C1QTNF7: variants seen among roughly 807,000 people sequenced by gnomAD.
C1QTNF7 encodes the protein C1q and TNF related 7, also known as complement C1q tumor necrosis factor-related protein 7.
C1QTNF7 carries 15 observed loss-of-function variants against 19.6 expected under a neutral mutation model. The observed-to-expected ratio is 0.76, with a 90% CI of 0.51 to 1.18. The LOEUF (loss-of-function observed/expected upper bound fraction) is 1.18, where lower values mean the gene tolerates loss of function less well. C1QTNF7 is among the 50% of genes most tolerant of loss of function. The probability of loss-of-function intolerance (pLI) is 0.00; values close to 1 mark genes in which losing one functional copy is unlikely to be tolerated. For missense variants in C1QTNF7, 324 were observed against 359.7 expected, an observed-to-expected ratio of 0.90 and a Z score of 0.80; for synonymous variants, 142 against 137.5, an observed-to-expected ratio of 1.03 and a Z score of -0.23.
chr4:15,353,520 C>G (rs190347654), intron 1 of C1QTNF7, among the ~76,000 whole-genome samples: 4 of 152,182 alleles, frequency 2.6e-5, no homozygotes, highest in Admixed American at 2.6e-4. Context: ...TGTATCAGAC[C>G]AAATCGGTCC....
intron 1 of C1QTNF7, among the ~76,000 whole-genome samples, chr4:15,342,719 C>T (rs554217101): frequency 2.8e-4 from 42 of 152,306 alleles, no homozygotes; most frequent in African/African-American, 9.1e-4. Flanking sequence ...TTGGGCCTGG[C>T]GGGGCTCTAT....
chr4:15,387,170 A>T (rs1718370198), intron 1 of C1QTNF7, among the ~76,000 whole-genome samples: 1 of 152,168 alleles, frequency 6.6e-6, no homozygotes, highest in Admixed American at 6.5e-5. Context: ...ACTCCAAGTT[A>T]TTTGGCCTGA....
chr4:15,434,950 C>A (rs534765619), intron 1 of C1QTNF7, among the ~76,000 whole-genome samples: 1 of 152,294 alleles, frequency 6.6e-6, no homozygotes, highest in South Asian at 2.1e-4. Flanking sequence ...CCAATTAACA[C>A]TAATTGGCAT....
rs981738978 is a variant in C1QTNF7 at position 15,443,757 on chromosome 4, T to G, written c.*958T>G. The G allele has an allele frequency of 1.3e-5, 2 of 152,184 alleles. No homozygotes were observed. Among genetic ancestry groups the G allele is most frequent in the Non-Finnish European group, 2.9e-5 (2 of 68,032 alleles). The allele number at this position is 152,184 out of a possible 1,614,324, so 9.4% of individuals were successfully genotyped here. On this transcript the variant is annotated 3_prime_UTR_variant, in exon 3 of 3. Coordinates refer to ENST00000444304, the MANE Select transcript of C1QTNF7 (RefSeq NM_031911.5). ...ATAGCCAGCAGGTGATTCTTCTGAA[T>G]CCTTTAGTGTGATGGTTTCCCAAGA... is the stretch of plus-strand genomic sequence containing the variant.
At chr4:15,422,890 T>C (rs904883200) in intron 1 of C1QTNF7, among the ~76,000 whole-genome samples, 4 of 152,232 alleles carry the variant, frequency 2.6e-5, no homozygotes, top group African/African-American at 7.2e-5. Context: ...ATTACAGTTA[T>C]GAGCCACCAC....
chr4:15,347,725 T>G (rs1328123293), intron 1 of C1QTNF7, among the ~76,000 whole-genome samples: 1 of 152,190 alleles, frequency 6.6e-6, no homozygotes, highest in Admixed American at 6.5e-5. Context: ...CACTCTACCC[T>G]GGATATTGCC....
At chr4:15,389,312 G>A (rs1718465801) in intron 1 of C1QTNF7, among the ~76,000 whole-genome samples, 1 of 152,226 alleles carries the variant, frequency 6.6e-6, no homozygotes, top group African/African-American at 2.4e-5. Flanking sequence ...GGGCATGCTG[G>A]TGAGGCTGTA....
chr4:15,421,503 C>T (rs939699115), intron 1 of C1QTNF7, among the ~76,000 whole-genome samples: 2 of 152,194 alleles, frequency 1.3e-5, no homozygotes, highest in Non-Finnish European at 2.9e-5. Flanking sequence ...TTCATATTTA[C>T]GGAGCACCCA....
At chr4:15,360,524 A>G (rs1717302087) in intron 1 of C1QTNF7, among the ~76,000 whole-genome samples, 1 of 152,160 alleles carries the variant, frequency 6.6e-6, no homozygotes, top group Non-Finnish European at 1.5e-5. Context: ...TTTTCTTCAT[A>G]AGGCACATCA....
chr4:15,427,516 T>G (rs1031259003), upstream of C1QTNF7, among the ~76,000 whole-genome samples: 1 of 152,154 alleles, frequency 6.6e-6, no homozygotes, highest in African/African-American at 2.4e-5. Flanking sequence ...ATCAGTGCAA[T>G]TCTCATAACC....
intron 1 of C1QTNF7, among the ~76,000 whole-genome samples, chr4:15,414,365 C>T (rs1489245545): frequency 6.6e-6 from 1 of 152,080 alleles, no homozygotes; most frequent in Non-Finnish European, 1.5e-5. Flanking sequence ...TATTTTTCTC[C>T]TTACAAAATC....
At chr4:15,344,041 G>A (rs1716634742) in intron 1 of C1QTNF7, among the ~76,000 whole-genome samples, 1 of 152,240 alleles carries the variant, frequency 6.6e-6, no homozygotes, top group Non-Finnish European at 1.5e-5. Context: ...TTAAAGAATA[G>A]ATAAGGATTG....
At chr4:15,388,354 C>T (rs1181510792) in intron 1 of C1QTNF7, among the ~76,000 whole-genome samples, 1 of 152,100 alleles carries the variant, frequency 6.6e-6, no homozygotes, top group Admixed American at 6.5e-5. Flanking sequence ...GTTTTCCTCC[C>T]GTCCATCCAG....
At chr4:15,370,214 T>C (rs2109305674) in intron 1 of C1QTNF7, among the ~76,000 whole-genome samples, 1 of 152,206 alleles carries the variant, frequency 6.6e-6, no homozygotes, top group East Asian at 1.9e-4. Context: ...AAATAAAAAA[T>C]AATTGTTTAA....
chr4:15,406,299 TAAG>T (rs1719193827), intron 1 of C1QTNF7, among the ~76,000 whole-genome samples: 1 of 152,176 alleles, frequency 6.6e-6, no homozygotes, highest in South Asian at 2.1e-4. Context: ...AGACCAGAGC[TAAG>T]AAGCCAGACA....
intron 1 of C1QTNF7, chr4:15,374,858 T>A: frequency 1.7e-6 from 1 of 597,988 alleles, no homozygotes; most frequent in Non-Finnish European, 2.0e-6. Flanking sequence ...GGTGTTTCTC[T>A]CTCTCTCTCT....
chr4:15,432,821 A>C (rs941490083), intron 1 of C1QTNF7, among the ~76,000 whole-genome samples: 2 of 152,234 alleles, frequency 1.3e-5, no homozygotes, highest in Admixed American at 6.5e-5. Context: ...CGCACTTGTC[A>C]TAAAAGCAAT....
intron 1 of C1QTNF7, among the ~76,000 whole-genome samples, chr4:15,429,001 A>C (rs1443299457): frequency 6.6e-6 from 1 of 152,194 alleles, no homozygotes; most frequent in Non-Finnish European, 1.5e-5. Flanking sequence ...TGAAGACAAA[A>C]GAACTCAGTA....
chr4:15,340,067 G>T (rs1716485567), exon 1 of C1QTNF7: 2 of 1,078,682 alleles, frequency 1.9e-6, no homozygotes, highest in Admixed American at 2.1e-5. Context: ...GTTATTTTTT[G>T]CATTGTTTTG....
Sources: allele counts gnomAD v4.1 joint callset (sites outside exome capture counted in the v4.1 genomes callset), GRCh38; gene constraint gnomAD v4.1.1; transcripts MANE v1.5; gene names NCBI Gene and HGNC (gene_info 2026-07-23, HGNC 2026-07-21).